DIP2B: variants seen among roughly 807,000 people sequenced by gnomAD.
DIP2B encodes the protein disco-interacting protein 2 homolog B.
Under a neutral mutation model 198.0 loss-of-function variants are expected in DIP2B, and 76 were observed. That is an observed-to-expected ratio of 0.38 (90% CI 0.32 to 0.46). DIP2B has a LOEUF of 0.46. DIP2B is among the 20% of genes least tolerant of loss of function. The probability of loss-of-function intolerance (pLI) is 0.99; values close to 1 mark genes in which losing one functional copy is unlikely to be tolerated. For missense variants in DIP2B, 1,559 were observed against 1,978.4 expected (o/e 0.79, Z 4.02); for synonymous variants, 701 against 739.1 (o/e 0.95, Z 0.84).
chr12:50,658,009 G>A (rs1226325768), intron 3 of DIP2B, among the ~76,000 whole-genome samples: 2 of 151,554 alleles, frequency 1.3e-5, no homozygotes, highest in African/African-American at 4.8e-5. Context: ...CCAGCACTTC[G>A]GGAGACTGAG....
intron 21 of DIP2B, among the ~76,000 whole-genome samples, chr12:50,706,980 T>C (rs1462968449): frequency 6.6e-6 from 1 of 152,224 alleles, no homozygotes; most frequent in African/African-American, 2.4e-5. Context: ...ACTTCCTGCA[T>C]TTCTTCAATG....
At chr12:50,580,760 T>C (rs1958718338) in intron 1 of DIP2B, among the ~76,000 whole-genome samples, 1 of 148,716 alleles carries the variant, frequency 6.7e-6, no homozygotes, top group African/African-American at 2.5e-5. Context: ...ATGAAATTGC[T>C]ACTGGCATTT....
At chr12:50,616,468 T>C (rs1937702528) in intron 1 of DIP2B, among the ~76,000 whole-genome samples, 1 of 152,252 alleles carries the variant, frequency 6.6e-6, no homozygotes, top group East Asian at 1.9e-4. Flanking sequence ...TAACAGAGCT[T>C]TATTTCTGGC....
intron 1 of DIP2B, among the ~76,000 whole-genome samples, chr12:50,552,241 TTTG>T (rs756337156): frequency 9.2e-5 from 14 of 152,022 alleles, no homozygotes; most frequent in African/African-American, 1.7e-4. Context: ...AATTGGGTTT[TTTG>T]TTGTTGTTGT....
chr12:50,605,528 A>G (rs1396680223), intron 1 of DIP2B, among the ~76,000 whole-genome samples: 1 of 152,192 alleles, frequency 6.6e-6, no homozygotes, highest in Non-Finnish European at 1.5e-5. Flanking sequence ...ACACCACTGC[A>G]CTGCAGCCCG....
At chr12:50,584,843 C>T (rs536878658) in intron 1 of DIP2B, among the ~76,000 whole-genome samples, 32 of 152,330 alleles carry the variant, frequency 2.1e-4, no homozygotes, top group Non-Finnish European at 4.1e-4. Flanking sequence ...GAATTACAGG[C>T]GTGAACCACC....
intron 1 of DIP2B, among the ~76,000 whole-genome samples, chr12:50,528,607 C>T (rs1344166958): frequency 6.6e-6 from 1 of 152,062 alleles, no homozygotes; most frequent in Non-Finnish European, 1.5e-5. Flanking sequence ...ATGTGTTTTC[C>T]AGCTTTATCT....
chr12:50,570,788 A>AT (rs1010197270), intron 1 of DIP2B, among the ~76,000 whole-genome samples: 7 of 152,080 alleles, frequency 4.6e-5, no homozygotes, highest in Admixed American at 1.3e-4. Context: ...TAAACAAATA[A>AT]TTTTTTTTAC....
intron 1 of DIP2B, among the ~76,000 whole-genome samples, chr12:50,522,832 C>T (rs1958132613): frequency 6.6e-6 from 1 of 152,114 alleles, no homozygotes; most frequent in African/African-American, 2.4e-5. Flanking sequence ...CAGCAGAACT[C>T]AGATGTTGGA....
intron 1 of DIP2B, among the ~76,000 whole-genome samples, chr12:50,529,505 A>C (rs1342696326): frequency 6.6e-6 from 1 of 152,168 alleles, no homozygotes; most frequent in Non-Finnish European, 1.5e-5. Context: ...AGCGTGTTTG[A>C]GGAACTGTGA....
At chr12:50,549,003 G>A (rs1188123539) in intron 1 of DIP2B, among the ~76,000 whole-genome samples, 1 of 152,084 alleles carries the variant, frequency 6.6e-6, no homozygotes, top group African/African-American at 2.4e-5. Flanking sequence ...TCATAACCCC[G>A]AGTTAAAGTT....
At chr12:50,689,690 ACT>A (rs759222775) in intron 12 of DIP2B, among the ~76,000 whole-genome samples, 5 of 152,088 alleles carry the variant, frequency 3.3e-5, no homozygotes, top group Admixed American at 1.3e-4. Context: ...GGATTAGTTG[ACT>A]CTGTCAGTCT....
At chr12:50,519,790 A>C (rs1276403211) in intron 1 of DIP2B, among the ~76,000 whole-genome samples, 1 of 126,412 alleles carries the variant, frequency 7.9e-6, no homozygotes, top group Non-Finnish European at 1.7e-5. Flanking sequence ...CATGTACTTT[A>C]ATTGGTTTTT....
chr12:50,580,912 A>G (rs927205920), intron 1 of DIP2B, among the ~76,000 whole-genome samples: 3 of 149,246 alleles, frequency 2.0e-5, no homozygotes, highest in African/African-American at 7.4e-5. Flanking sequence ...AATGTCAACA[A>G]TGCCAGCCTT....
At chr12:50,656,593 A>T (rs182921494) in intron 3 of DIP2B, among the ~76,000 whole-genome samples, 3 of 152,230 alleles carry the variant, frequency 2.0e-5, no homozygotes, top group East Asian at 1.9e-4. Flanking sequence ...TTCTTTTGAG[A>T]TGGAGTCTCG....
chr12:50,556,466 A>T (rs1284762869), intron 1 of DIP2B, among the ~76,000 whole-genome samples: 1 of 152,144 alleles, frequency 6.6e-6, no homozygotes, highest in Non-Finnish European at 1.5e-5. Flanking sequence ...TTACTTTTTA[A>T]GTAAAATAAA....
chr12:50,616,156 A>G (rs1407305230), intron 1 of DIP2B, among the ~76,000 whole-genome samples: 1 of 152,270 alleles, frequency 6.6e-6, no homozygotes, highest in Non-Finnish European at 1.5e-5. Context: ...AGGGCTGTGC[A>G]GCCAAAGCAA....
intron 1 of DIP2B, among the ~76,000 whole-genome samples, chr12:50,531,703 C>T (rs1030539730): frequency 6.6e-6 from 1 of 152,048 alleles, no homozygotes; most frequent in Non-Finnish European, 1.5e-5. Flanking sequence ...GGCGGGGTAC[C>T]CTGCTGTTTC....
intron 1 of DIP2B, among the ~76,000 whole-genome samples, chr12:50,586,906 G>C (rs1479669355): frequency 6.6e-6 from 1 of 152,088 alleles, no homozygotes; most frequent in African/African-American, 2.4e-5. Flanking sequence ...TATTATAAAC[G>C]TTTTGATCAA....
Sources: gnomAD v4.1 joint callset for allele counts (sites outside exome capture counted in the v4.1 genomes callset) on GRCh38, gnomAD v4.1.1 for gene constraint, MANE v1.5 for transcripts, NCBI Gene and HGNC (gene_info 2026-07-23, HGNC 2026-07-21) for gene names.